The following GRID1 variants were observed in gnomAD, a reference collection of about 807,000 sequenced individuals.
GRID1 encodes glutamate receptor ionotropic, delta-1.
GRID1 carries 28 observed loss-of-function variants against 98.0 expected under a neutral mutation model. The observed-to-expected ratio is 0.29, with a 90% CI of 0.21 to 0.39. The LOEUF (loss-of-function observed/expected upper bound fraction) is 0.39. Among genes scored for constraint, GRID1 ranks in the 10% least tolerant of loss-of-function variants. The probability of loss-of-function intolerance (pLI) is 1.00; values close to 1 mark genes in which losing one functional copy is unlikely to be tolerated. For synonymous variants in GRID1, 553 were observed against 538.5 expected (o/e 1.03, Z -0.37); for missense variants, 1,111 against 1,340.5 (o/e 0.83, Z 2.67).
At position 86,267,361 on chromosome 10, in the gene GRID1, C is replaced by A. The variant is rs977325769; in HGVS notation, c.236-60713G>T. On this transcript the variant is annotated intron_variant, in intron 2 of 15. Coordinates refer to ENST00000327946, the MANE Select transcript of GRID1 (RefSeq NM_017551.3). ...CGGTCCCATTCAACAAGGACAACAGCGGTGATGGCAGCTCAACCCAGCCCC... is the reference window on the plus strand; with the variant it reads ...CGGTCCCATTCAACAAGGACAACAGAGGTGATGGCAGCTCAACCCAGCCCC... Among the ~76,000 whole-genome samples, 3 of 152,236 alleles carry A rather than the reference C, an allele frequency of 2.0e-5. No homozygotes were observed. The South Asian group carries it at 6.2e-4, about 32-fold the overall frequency.
intron 5 of GRID1, 27 bp from the exon 6 acceptor site, chr10:85,869,207 A>T: frequency 6.2e-7 from 1 of 1,601,104 alleles, no homozygotes; most frequent in Non-Finnish European, 8.6e-7. Context: ...GCCCATGCTT[A>T]CCATCCACTC....
chr10:85,938,965 G>A (rs1445130231), intron 4 of GRID1, among the ~76,000 whole-genome samples: 2 of 152,208 alleles, frequency 1.3e-5, no homozygotes, highest in African/African-American at 4.8e-5. Context: ...GAGCATAGTT[G>A]TTCAAACCTG....
At chr10:85,922,631 T>G (rs1268958026) in intron 4 of GRID1, among the ~76,000 whole-genome samples, 1 of 152,216 alleles carries the variant, frequency 6.6e-6, no homozygotes, top group Non-Finnish European at 1.5e-5. Context: ...CCGCTGCCTT[T>G]GCAACAACAT....
chr10:86,129,838 C>T (rs1183241552), intron 4 of GRID1, among the ~76,000 whole-genome samples: 2 of 152,226 alleles, frequency 1.3e-5, no homozygotes, highest in Admixed American at 1.3e-4. Flanking sequence ...GAGCAGTCTT[C>T]CATCTAGAGG....
intron 4 of GRID1, among the ~76,000 whole-genome samples, chr10:86,054,884 T>C (rs1320903382): frequency 6.6e-6 from 1 of 152,174 alleles, no homozygotes; most frequent in Non-Finnish European, 1.5e-5. Context: ...TGGGCAGATA[T>C]TGTGACTTTC....
intron 5 of GRID1, among the ~76,000 whole-genome samples, chr10:85,889,397 A>G (rs1037644177): frequency 2.6e-5 from 4 of 152,192 alleles, no homozygotes; most frequent in Admixed American, 6.5e-5. Context: ...TACGAGATCA[A>G]TATTTTTTAG....
At chr10:85,899,814 T>C (rs1274805983) in intron 5 of GRID1, among the ~76,000 whole-genome samples, 1 of 152,140 alleles carries the variant, frequency 6.6e-6, no homozygotes, top group Non-Finnish European at 1.5e-5. Context: ...GTATCAGGCG[T>C]GAAAGTACCC....
In GRID1 at chr10:85,902,461, G is replaced by A. The variant is rs552779066; in HGVS notation, c.780+13725C>T. ...GACTGAAACCATAAAAAGTAAAACC[G>A]CAGATAAGGAGGGACAACTGCAATA... is the stretch of plus-strand genomic sequence containing the variant. On this transcript the variant is annotated intron_variant, in intron 5 of 15. Coordinates refer to ENST00000327946, the MANE Select transcript of GRID1 (RefSeq NM_017551.3). Among the ~76,000 whole-genome samples the A allele has an allele frequency of 6.8e-4, 104 of 152,290 alleles. 1 individual carries two copies. In the South Asian group the frequency reaches 0.02, roughly 29 times the overall value.
intron 4 of GRID1, among the ~76,000 whole-genome samples, chr10:85,920,254 C>A (rs1376601680): frequency 2.0e-5 from 3 of 152,162 alleles, no homozygotes; most frequent in Non-Finnish European, 2.9e-5. Flanking sequence ...GCGAAGTCAA[C>A]TTGAGACAAA....
intron 4 of GRID1, among the ~76,000 whole-genome samples, chr10:85,962,131 C>G (rs1199354496): frequency 6.6e-6 from 1 of 152,132 alleles, no homozygotes; most frequent in Non-Finnish European, 1.5e-5. Context: ...TTTGGTCAGG[C>G]CTCCTCACTG....
At chr10:86,060,404 C>G (rs900416662) in intron 4 of GRID1, among the ~76,000 whole-genome samples, 1 of 152,210 alleles carries the variant, frequency 6.6e-6, no homozygotes, top group Non-Finnish European at 1.5e-5. Context: ...CCCAATTCTA[C>G]CCACAAGATA....
chr10:85,748,480 G>A (rs936964101), intron 8 of GRID1, among the ~76,000 whole-genome samples: 5 of 152,072 alleles, frequency 3.3e-5, no homozygotes, highest in African/African-American at 1.2e-4. Context: ...ACCAAAAATT[G>A]ATATCGTATT....
At chr10:85,975,660 A>T (rs1358183072) in intron 4 of GRID1, among the ~76,000 whole-genome samples, 2 of 152,110 alleles carry the variant, frequency 1.3e-5, no homozygotes, top group African/African-American at 4.8e-5. Flanking sequence ...ACTTTTGGAG[A>T]CTGACTCTTT....
At position 86,079,057 on chromosome 10, in the gene GRID1, C is replaced by T. The variant is rs149160615; in HGVS notation, c.726+59762G>A. ...AAACTGGGTAACAGCCCAGCAGCTG[C>T]TCATCCCCCGCACACAGCATAAACA... On this transcript the variant is annotated intron_variant, in intron 4 of 15. Coordinates refer to ENST00000327946, the MANE Select transcript of GRID1 (RefSeq NM_017551.3). 1.8e-4 allele frequency among the ~76,000 whole-genome samples: 27 copies of T among 152,332 alleles called. No individual in the cohort carries two copies. In the East Asian group the frequency reaches 4.8e-3, roughly 27 times the overall value.
chr10:85,667,322 G>C (rs971135476), intron 12 of GRID1, among the ~76,000 whole-genome samples: 2,087 of 151,396 alleles, frequency 0.014, 35 homozygotes, highest in African/African-American at 0.045. Flanking sequence ...CACACAGAGA[G>C]AGAGAGAGAG....
At chr10:85,838,786 C>A (rs1842935025) in intron 8 of GRID1, among the ~76,000 whole-genome samples, 2 of 152,168 alleles carry the variant, frequency 1.3e-5, no homozygotes, top group East Asian at 1.9e-4. Flanking sequence ...AAGATCAAAT[C>A]CACACATATC....
At chr10:86,079,662 C>G (rs1483838718) in intron 4 of GRID1, among the ~76,000 whole-genome samples, 1 of 152,138 alleles carries the variant, frequency 6.6e-6, no homozygotes, top group Non-Finnish European at 1.5e-5. Flanking sequence ...AGTCATGCAA[C>G]CTCTCTGGGC....
chr10:86,125,749 G>C (rs1165106077), intron 4 of GRID1, among the ~76,000 whole-genome samples: 6 of 152,012 alleles, frequency 3.9e-5, no homozygotes, highest in Admixed American at 3.3e-4. Context: ...CTCTTCCTCA[G>C]CCTACTCAAC....
chr10:86,025,615 ACAGACT>A (rs1184671759), intron 4 of GRID1, among the ~76,000 whole-genome samples: 4 of 152,174 alleles, frequency 2.6e-5, no homozygotes, highest in Middle Eastern at 3.2e-3. Context: ...AAATAAGAAA[ACAGACT>A]CAGAGAGGGT....
Sources: allele counts gnomAD v4.1 joint callset (sites outside exome capture counted in the v4.1 genomes callset), GRCh38; gene constraint gnomAD v4.1.1; transcripts MANE v1.5; gene names NCBI Gene and HGNC (gene_info 2026-07-23, HGNC 2026-07-21).